CLNK: variants seen among roughly 807,000 people sequenced by gnomAD.
CLNK encodes the protein cytokine dependent hematopoietic cell linker.
A neutral mutation model predicts 68.6 loss-of-function variants in CLNK; 74 were observed. The observed-to-expected ratio is 1.08, with a 90% CI of 0.89 to 1.31. The LOEUF (loss-of-function observed/expected upper bound fraction) is 1.31. Among genes scored for constraint, CLNK ranks in the 50% most tolerant of loss-of-function variants. The probability of loss-of-function intolerance (pLI) is 0.00; values close to 1 mark genes in which losing one functional copy is unlikely to be tolerated. For synonymous variants in CLNK, 198 were observed against 172.2 expected (o/e 1.15, Z -1.17); for missense variants, 553 against 515.3 (o/e 1.07, Z -0.71).
chr4:10,545,408 G>T (rs1719186871), intron 8 of CLNK, among the ~76,000 whole-genome samples: 2 of 151,732 alleles, frequency 1.3e-5, no homozygotes, highest in Admixed American at 1.3e-4. Context: ...ATTTTTTTTT[G>T]ATTCCACGTC....
chr4:10,627,578 G>A (rs945937395), intron 2 of CLNK, among the ~76,000 whole-genome samples: 1 of 152,088 alleles, frequency 6.6e-6, no homozygotes, highest in African/African-American at 2.4e-5. Flanking sequence ...CAAGGCCAGG[G>A]AGAGAGAGAC....
chr4:10,551,672 C>A (rs1252394619), intron 8 of CLNK, among the ~76,000 whole-genome samples: 1 of 152,110 alleles, frequency 6.6e-6, no homozygotes, highest in Non-Finnish European at 1.5e-5. Context: ...GTATAATGTT[C>A]TGTTCAGAGA....
chr4:10,703,872 G>A, the CLNK span, among the ~76,000 whole-genome samples: 6 of 152,130 alleles, frequency 3.9e-5, no homozygotes, highest in African/African-American at 1.4e-4. Flanking sequence ...AACCTTATGG[G>A]ACCACTGTTG....
At chr4:10,587,647 T>C (rs1197166056) in intron 3 of CLNK, among the ~76,000 whole-genome samples, 1 of 152,166 alleles carries the variant, frequency 6.6e-6, no homozygotes, top group East Asian at 1.9e-4. Context: ...CTTACTGCCT[T>C]CTGTTCACCA....
chr4:10,520,824 A>G lies in CLNK; in HGVS notation c.739T>C (p.Phe247Leu). ...EIPLAISSSS[F>L]TTSNHSVQNR... is the part of the protein sequence containing the mutation. ...TGCACACTGTGGTTGCTTGTCGTGAATGAAGAACTATAAGAAAATATGTTA... is the reference window on the plus strand; with the variant it reads ...TGCACACTGTGGTTGCTTGTCGTGAGTGAAGAACTATAAGAAAATATGTTA... The change falls in exon 15 of 19, where the codon TTC becomes CTC. Residue 247 changes from phenylalanine to leucine, a missense_variant. Phe to Leu is a conservative substitution (Grantham distance 22, BLOSUM62 0). Coordinates refer to ENST00000226951, the MANE Select transcript of CLNK (RefSeq NM_052964.4). 5 of 1,603,816 alleles carry G rather than the reference A, an allele frequency of 3.1e-6. No individual in the cohort carries two copies. Among genetic ancestry groups the G allele is most frequent in the Non-Finnish European group, 4.3e-6 (5 of 1,173,264 alleles).
At chr4:10,702,080 A>G in the CLNK span, among the ~76,000 whole-genome samples, 294 of 152,354 alleles carry the variant, frequency 1.9e-3, no homozygotes, top group African/African-American at 6.9e-3. Flanking sequence ...TTGCATGTAA[A>G]GACGTCCCTA....
intron 4 of CLNK, among the ~76,000 whole-genome samples, chr4:10,577,874 T>C (rs1185261630): frequency 6.6e-6 from 1 of 152,196 alleles, no homozygotes; most frequent in African/African-American, 2.4e-5. Flanking sequence ...TGGAGGTTAG[T>C]GTTTGGCAGT....
chr4:10,624,654 C>G (rs984198320), intron 2 of CLNK, among the ~76,000 whole-genome samples: 13 of 142,194 alleles, frequency 9.1e-5, no homozygotes, highest in African/African-American at 2.6e-4. Context: ...AGGTGTATTT[C>G]CTGCAGGACT....
chr4:10,589,632 G>A (rs1409983726), intron 3 of CLNK, among the ~76,000 whole-genome samples: 2 of 145,902 alleles, frequency 1.4e-5, no homozygotes, highest in African/African-American at 5.0e-5. Flanking sequence ...GGAAGGCTGG[G>A]ACCAGCCGCC....
intron 1 of CLNK, among the ~76,000 whole-genome samples, chr4:10,670,257 G>T (rs6836358): frequency 0.017 from 2,594 of 152,290 alleles, 82 homozygotes; most frequent in African/African-American, 0.059. Flanking sequence ...GGTTATTGAT[G>T]ACAATTTTTG....
At chr4:10,499,867 C>T (rs1403771526) in intron 18 of CLNK, among the ~76,000 whole-genome samples, 1 of 152,114 alleles carries the variant, frequency 6.6e-6, no homozygotes, top group Non-Finnish European at 1.5e-5. Context: ...CTCCTCTTGT[C>T]ATAAGAACAT....
At chr4:10,500,419 G>A (rs1300888795) in intron 18 of CLNK, among the ~76,000 whole-genome samples, 3 of 152,164 alleles carry the variant, frequency 2.0e-5, no homozygotes, top group Admixed American at 6.5e-5. Context: ...AGTGGCTCAC[G>A]CCTGTAATCC....
chr4:10,598,817 C>T, intron 2 of CLNK: 1 of 299,478 alleles, frequency 3.3e-6, no homozygotes. Flanking sequence ...TTTTTTTCCT[C>T]CACAAATGCT....
chr4:10,558,422 T>C lies in CLNK; in HGVS notation c.430A>G (p.Ser144Gly), dbSNP rs1384942876. 40 of 1,613,852 alleles carry C rather than the reference T, an allele frequency of 2.5e-5. No individual in the cohort carries two copies. Among genetic ancestry groups the C allele is most frequent in the African/African-American group, 5.3e-5 (4 of 74,948 alleles). Reference protein sequence around the residue: ...VDKPISKDVRSQNIKGDASVR... With the variant: ...VDKPISKDVRGQNIKGDASVR... ...ATGACTTTACCTTTAATGTTTTGGC[T>C]TCTGACGTCCTTGGAAATGGGTTTG... The change falls in exon 8 of 19, where the codon AGC becomes GGC. Residue 144 changes from serine (S) to glycine (G), a missense_variant. By Grantham distance (56) the Ser-to-Gly change is moderately conservative (BLOSUM62 0). Transcript: ENST00000226951.
chr4:10,488,163 C>T lies in CLNK; in HGVS notation c.*2304G>A, dbSNP rs1159104930. 6.6e-6 allele frequency: 1 copy of T among 152,068 alleles called. No individual in the cohort carries two copies. The highest frequency in any genetic ancestry group is 2.4e-5 in the African/African-American group (1 of 41,390). 9.4% of individuals were successfully genotyped at this position (152,068 alleles called of 1,614,324 possible). ...TCATCTTAAGGATGCTGAATTTCTACTTCTTTTTTCTTCTTGGAATTATAT... is the reference window on the plus strand; with the variant it reads ...TCATCTTAAGGATGCTGAATTTCTATTTCTTTTTTCTTCTTGGAATTATAT... On this transcript the variant is annotated 3_prime_UTR_variant, in exon 19 of 19. Coordinates refer to ENST00000226951, the MANE Select transcript of CLNK (RefSeq NM_052964.4).
intron 1 of CLNK, among the ~76,000 whole-genome samples, chr4:10,678,517 C>T (rs1168055204): frequency 6.6e-6 from 1 of 151,736 alleles, no homozygotes; most frequent in Non-Finnish European, 1.5e-5. Flanking sequence ...TGTAAGACAC[C>T]CAAGGCTTTG....
chr4:10,606,739 C>T (rs545523159), intron 2 of CLNK, among the ~76,000 whole-genome samples: 15 of 152,072 alleles, frequency 9.9e-5, no homozygotes, highest in South Asian at 2.1e-4. Flanking sequence ...CCATCATTCA[C>T]CTAAATGTTA....
At chr4:10,663,620 C>T (rs1560268672) in intron 2 of CLNK, among the ~76,000 whole-genome samples, 1 of 151,924 alleles carries the variant, frequency 6.6e-6, no homozygotes, top group Non-Finnish European at 1.5e-5. Context: ...GCATATATAC[C>T]CATAGGTTCA....
intron 2 of CLNK, among the ~76,000 whole-genome samples, chr4:10,642,892 C>T (rs775562640): frequency 5.3e-5 from 8 of 152,138 alleles, no homozygotes; most frequent in Non-Finnish European, 1.2e-4. Context: ...TTAAATGCTT[C>T]AAAGCCATAA....
Sources: allele counts gnomAD v4.1 joint callset (sites outside exome capture counted in the v4.1 genomes callset), GRCh38; gene constraint gnomAD v4.1.1; transcripts MANE v1.5; gene names NCBI Gene and HGNC (gene_info 2026-07-23, HGNC 2026-07-21).